Variants in LAMC1 observed in about 807,000 individuals in gnomAD.
The protein encoded by LAMC1 is laminin subunit gamma-1.
A neutral mutation model predicts 173.6 loss-of-function variants in LAMC1; 38 were observed. The observed-to-expected ratio is 0.22, with a 90% CI of 0.17 to 0.29. LAMC1 has a LOEUF of 0.29. Among genes scored for constraint, LAMC1 ranks in the 10% least tolerant of loss-of-function variants. The probability of loss-of-function intolerance (pLI) is 1.00; values close to 1 mark genes in which losing one functional copy is unlikely to be tolerated. For missense variants in LAMC1, 1,824 were observed against 2,051.8 expected (o/e 0.89, Z 2.14); for synonymous variants, 746 against 749.1 (o/e 1.00, Z 0.07).
In LAMC1 at chr1:183,117,705, CTG is replaced by C; in HGVS notation, c.1862_1863del (p.Val621GlufsTer8). 1 of 1,613,898 alleles carries C rather than the reference CTG, an allele frequency of 6.2e-7. No homozygotes were observed. Among genetic ancestry groups the C allele is most frequent in the Non-Finnish European group, 8.5e-7 (1 of 1,179,848 alleles). ...GGCAATTCCTATCCAAGTGAGACCA[CTG>C]TGAAGTATGTCTTCAGGTAAGATAG... On this transcript the variant is annotated frameshift_variant, in exon 10 of 28. Coordinates refer to ENST00000258341, the MANE Select transcript of LAMC1 (RefSeq NM_002293.4). LOFTEE classifies it high-confidence loss of function.
intron 1 of LAMC1, among the ~76,000 whole-genome samples, chr1:183,056,108 G>A (rs1654588065): frequency 6.6e-6 from 1 of 152,242 alleles, no homozygotes; most frequent in Non-Finnish European, 1.5e-5. Flanking sequence ...CTGCTGAAAG[G>A]GCAGTGTGGT....
chr1:183,090,042 GA>G (rs1438304204), intron 1 of LAMC1, among the ~76,000 whole-genome samples: 1 of 152,186 alleles, frequency 6.6e-6, no homozygotes, highest in Non-Finnish European at 1.5e-5. Context: ...AGTAACTTTT[GA>G]AACAGTCAAT....
intron 1 of LAMC1, among the ~76,000 whole-genome samples, chr1:183,077,870 A>G (rs1655161477): frequency 6.7e-6 from 1 of 149,784 alleles, no homozygotes; most frequent in African/African-American, 2.4e-5. Flanking sequence ...GCGATTGTGA[A>G]TTGTGCTGTT....
Position 183,110,481 on chromosome 1 carries a change from T to A in LAMC1, c.855-7T>A. On this transcript the variant is annotated splice_polypyrimidine_tract_variant and splice_region_variant and intron_variant, in intron 3 of 27. Transcript: ENST00000258341. ...TCCATTTTTTGGAGTATCTCTTCTC[T>A]CCCCAGATGTAAATGTAATGGACAC... is the stretch of plus-strand genomic sequence containing the variant. The A allele has an allele frequency of 1.3e-6, 2 of 1,599,908 alleles. No individual in the cohort carries two copies. Among genetic ancestry groups the A allele is most frequent in the South Asian group, 2.2e-5 (2 of 88,930 alleles).
At chr1:183,119,935 C>T (rs923493139) in intron 11 of LAMC1, among the ~76,000 whole-genome samples, 4 of 152,028 alleles carry the variant, frequency 2.6e-5, no homozygotes, top group Middle Eastern at 3.4e-3. Context: ...CTTTGGGAGG[C>T]TGAGGCAGGA....
At chr1:183,132,586 G>T in intron 21 of LAMC1, 49 bp downstream of exon 21, 2 of 1,444,488 alleles carry the variant, frequency 1.4e-6, no homozygotes, top group Non-Finnish European at 1.9e-6. Flanking sequence ...GTTCTGGTAA[G>T]TAACACTAGT....
At position 183,091,671 on chromosome 1, in the gene LAMC1, A is replaced by G. The variant is rs540113604; in HGVS notation, c.419-11657A>G. On this transcript the variant is annotated intron_variant, in intron 1 of 27. Transcript: ENST00000258341. ...TAACACCCTCCCTGAAAATGCCAAC[A>G]TTACCCGACACAGACTGGGATTAAA... 1.2e-4 allele frequency among the ~76,000 whole-genome samples: 19 copies of G among 152,286 alleles called. No individual in the cohort carries two copies. The South Asian group carries it at 2.3e-3, about 18-fold the overall frequency.
intron 4 of LAMC1, among the ~76,000 whole-genome samples, chr1:183,112,898 A>C (rs1258470849): frequency 1.3e-5 from 2 of 152,212 alleles, no homozygotes; most frequent in Non-Finnish European, 2.9e-5. Flanking sequence ...AAAAAGAACA[A>C]AAGGGGCTGA....
chr1:183,097,370 A>T (rs1351713085), intron 1 of LAMC1, among the ~76,000 whole-genome samples: 1 of 152,202 alleles, frequency 6.6e-6, no homozygotes, highest in East Asian at 1.9e-4. Context: ...AAGAGTTAAC[A>T]CATAAGAGCC....
At chr1:183,121,980 C>T in intron 12 of LAMC1, 36 bp downstream of exon 12, 1 of 1,609,230 alleles carries the variant, frequency 6.2e-7, no homozygotes, top group African/African-American at 1.3e-5. Flanking sequence ...GACCTAACTT[C>T]TCTTTAGCAA....
At chr1:183,112,874 C>G (rs1656199939) in intron 4 of LAMC1, among the ~76,000 whole-genome samples, 1 of 152,062 alleles carries the variant, frequency 6.6e-6, no homozygotes, top group South Asian at 2.1e-4. Flanking sequence ...AATAACTGAT[C>G]ATAAGAAAGA....
intron 1 of LAMC1, among the ~76,000 whole-genome samples, chr1:183,040,871 A>G (rs1399326207): frequency 6.6e-6 from 1 of 152,226 alleles, no homozygotes; most frequent in African/African-American, 2.4e-5. Flanking sequence ...GTGTGTATCA[A>G]CAAATTTTCT....
chr1:183,096,945 C>T (rs1483795605), intron 1 of LAMC1, among the ~76,000 whole-genome samples: 1 of 152,194 alleles, frequency 6.6e-6, no homozygotes, highest in Non-Finnish European at 1.5e-5. Flanking sequence ...CTGCACTGTA[C>T]CAGACCATCT....
chr1:183,138,225 G>C lies in LAMC1; in HGVS notation c.4473+398G>C, dbSNP rs1486322548. 1.4e-5 allele frequency: 14 copies of C among 973,790 alleles called. No homozygotes were observed. In the East Asian group the frequency reaches 1.5e-3, roughly 103 times the overall value. The allele number at this position is 973,790 out of a possible 1,614,324, so 60.3% of individuals were successfully genotyped here. On this transcript the variant is annotated intron_variant, in intron 26 of 27. Coordinates refer to ENST00000258341, the MANE Select transcript of LAMC1 (RefSeq NM_002293.4). ...ACAAAGACAAGTTTCTTGTATATAA[G>C]AAATTTTTGAAGATGGCATTGTCTA...
Position 183,122,392 on chromosome 1 carries a change from A to G in LAMC1, c.2401+141A>G. ...TTTTCCTAATAGGAAGCTGAGGCTC[A>G]CTCTCCTTGTTTCCTTCCATCTCTC... On this transcript the variant is annotated intron_variant, in intron 13 of 27. Transcript: ENST00000258341. The G allele has an allele frequency of 4.0e-6, 3 of 746,646 alleles. No homozygotes were observed. The South Asian group carries it at 5.5e-5, about 14-fold the overall frequency. 46.3% of individuals were successfully genotyped at this position (746,646 alleles called of 1,614,324 possible).
chr1:183,041,638 T>C (rs185687255), intron 1 of LAMC1, among the ~76,000 whole-genome samples: 18 of 152,188 alleles, frequency 1.2e-4, no homozygotes, highest in Admixed American at 5.2e-4. Context: ...CAAAGATTTA[T>C]TAAGCACCTG....
At chr1:183,047,672 G>T (rs1654300567) in intron 1 of LAMC1, among the ~76,000 whole-genome samples, 1 of 152,190 alleles carries the variant, frequency 6.6e-6, no homozygotes, top group African/African-American at 2.4e-5. Context: ...TCTCAAATGA[G>T]TGTGGTACTG....
intron 1 of LAMC1, among the ~76,000 whole-genome samples, chr1:183,058,760 G>A (rs1031113684): frequency 6.6e-6 from 1 of 152,064 alleles, no homozygotes; most frequent in Non-Finnish European, 1.5e-5. Flanking sequence ...AAACATCCAG[G>A]AATTTTTGCC....
intron 4 of LAMC1, 49 bp from the exon 5 acceptor site, chr1:183,114,482 T>C (rs1292718078): frequency 2.5e-6 from 4 of 1,583,702 alleles, no homozygotes; most frequent in Non-Finnish European, 3.5e-6. Flanking sequence ...TAAAATGCTC[T>C]TCTTAAAGGT....
Sources: allele counts gnomAD v4.1 joint callset (sites outside exome capture counted in the v4.1 genomes callset), GRCh38; gene constraint gnomAD v4.1.1; transcripts MANE v1.5; gene names NCBI Gene and HGNC (gene_info 2026-07-23, HGNC 2026-07-21).